The following KHDRBS2 variants were observed in gnomAD, a reference collection of about 807,000 sequenced individuals.
KHDRBS2 encodes KH RNA binding domain containing, signal transduction associated 2, also known as KH domain-containing, RNA-binding, signal transduction-associated protein 2.
A neutral mutation model predicts 44.3 loss-of-function variants in KHDRBS2; 26 were observed. The ratio of observed to expected loss-of-function variants is 0.59; its 90% CI spans 0.43 to 0.81. The LOEUF (loss-of-function observed/expected upper bound fraction) is 0.81. Ranked by LOEUF, KHDRBS2 falls within the 40% of genes least tolerant of loss-of-function variation. KHDRBS2 has a pLI of 0.00. For synonymous variants in KHDRBS2, 194 were observed against 151.1 expected, an observed-to-expected ratio of 1.28 and a Z score of -2.08; for missense variants, 476 against 433.1, an observed-to-expected ratio of 1.10 and a Z score of -0.88.
chr6:61,555,014 G>A, the KHDRBS2 span, among the ~76,000 whole-genome samples: 1 of 151,448 alleles, frequency 6.6e-6, no homozygotes, highest in African/African-American at 2.4e-5. Flanking sequence ...TTTCACAGGG[G>A]TTTTTTTTGC....
chr6:62,158,456 A>G (rs1816923042), intron 2 of KHDRBS2, among the ~76,000 whole-genome samples: 1 of 152,152 alleles, frequency 6.6e-6, no homozygotes, highest in Non-Finnish European at 1.5e-5. Context: ...TCATAGTTAA[A>G]CGATAGTGCA....
intron 2 of KHDRBS2, among the ~76,000 whole-genome samples, chr6:62,086,367 T>A (rs1303591666): frequency 1.3e-5 from 2 of 152,128 alleles, no homozygotes; most frequent in Non-Finnish European, 2.9e-5. Flanking sequence ...GAAGCTTTGA[T>A]AGCTATAAAA....
At chr6:61,734,144 A>ATGTGG (rs1774945301) in intron 6 of KHDRBS2, among the ~76,000 whole-genome samples, 1 of 152,160 alleles carries the variant, frequency 6.6e-6, no homozygotes, top group South Asian at 2.1e-4. Flanking sequence ...TGGTCTTACC[A>ATGTGG]TCATATAATG....
At chr6:62,185,283 T>C (rs1338098577) in intron 1 of KHDRBS2, among the ~76,000 whole-genome samples, 4 of 151,920 alleles carry the variant, frequency 2.6e-5, no homozygotes, top group Non-Finnish European at 2.9e-5. Flanking sequence ...ACCTGTGTTT[T>C]ACATCATAGA....
downstream of KHDRBS2, among the ~76,000 whole-genome samples, chr6:61,679,628 C>T (rs959824542): frequency 6.6e-6 from 1 of 151,934 alleles, no homozygotes; most frequent in Non-Finnish European, 1.5e-5. Context: ...TGATATTTAG[C>T]ACTGAAAATT....
intron 4 of KHDRBS2, among the ~76,000 whole-genome samples, chr6:61,954,697 CAT>C (rs1185398187): frequency 1.1e-4 from 4 of 37,704 alleles, no homozygotes; most frequent in Non-Finnish European, 2.4e-4. Flanking sequence ...TGTATACATA[CAT>C]ATGTGTATAT....
At chr6:61,574,445 TG>T in the KHDRBS2 span, 7 of 1,438,234 alleles carry the variant, frequency 4.9e-6, no homozygotes, top group Non-Finnish European at 6.5e-6. Flanking sequence ...AATTTACCAA[TG>T]CAAACAACAC....
At chr6:62,061,157 C>T (rs576048512) in intron 2 of KHDRBS2, among the ~76,000 whole-genome samples, 1 of 151,684 alleles carries the variant, frequency 6.6e-6, no homozygotes, top group Non-Finnish European at 1.5e-5. Context: ...TTAATTGGAG[C>T]ATTTAGTCCA....
the KHDRBS2 span, among the ~76,000 whole-genome samples, chr6:61,597,596 A>G: frequency 2.6e-5 from 4 of 151,116 alleles, no homozygotes; most frequent in Admixed American, 6.6e-5. Context: ...GTAACTTATC[A>G]GTGATTAAAG....
At chr6:62,185,887 C>T (rs772164213) in intron 1 of KHDRBS2, among the ~76,000 whole-genome samples, 63 of 152,052 alleles carry the variant, frequency 4.1e-4, no homozygotes, top group Admixed American at 1.5e-3. Flanking sequence ...CCACCTAATT[C>T]GTATGTTAAA....
At chr6:61,749,851 A>T (rs1301001263) in intron 6 of KHDRBS2, among the ~76,000 whole-genome samples, 1 of 152,164 alleles carries the variant, frequency 6.6e-6, no homozygotes, top group Non-Finnish European at 1.5e-5. Flanking sequence ...AAGAATTAAC[A>T]AAAGGGAAAA....
At chr6:61,701,718 C>T (rs1768709379) in intron 7 of KHDRBS2, among the ~76,000 whole-genome samples, 1 of 151,938 alleles carries the variant, frequency 6.6e-6, no homozygotes, top group South Asian at 2.1e-4. Context: ...CAAAACATTT[C>T]ACTGCTGTTT....
At chr6:62,005,968 G>A (rs577134848) in intron 3 of KHDRBS2, among the ~76,000 whole-genome samples, 9 of 151,962 alleles carry the variant, frequency 5.9e-5, no homozygotes, top group African/African-American at 2.2e-4. Context: ...CGAAAAATTT[G>A]AAAGCAATAT....
chr6:61,728,580 G>T (rs1773948175), intron 7 of KHDRBS2, among the ~76,000 whole-genome samples: 1 of 152,122 alleles, frequency 6.6e-6, no homozygotes, highest in Non-Finnish European at 1.5e-5. Flanking sequence ...ATCATAGAAT[G>T]AAACAATGTA....
chr6:61,785,149 T>A (rs1419726390), intron 6 of KHDRBS2, among the ~76,000 whole-genome samples: 2 of 125,904 alleles, frequency 1.6e-5, no homozygotes, highest in Non-Finnish European at 3.2e-5. Flanking sequence ...GACCTTGTCC[T>A]AAAAAAACAA....
At chr6:61,771,046 A>G (rs1780802113) in intron 6 of KHDRBS2, among the ~76,000 whole-genome samples, 1 of 152,308 alleles carries the variant, frequency 6.6e-6, no homozygotes, top group East Asian at 1.9e-4. Context: ...ATTCTTAAAG[A>G]AAAGAATTTT....
At chr6:61,648,210 TGG>T in the KHDRBS2 span, among the ~76,000 whole-genome samples, 1 of 152,150 alleles carries the variant, frequency 6.6e-6, no homozygotes, top group African/African-American at 2.4e-5. Context: ...TGAGTTTTTA[TGG>T]AACTAGGTGC....
chr6:61,951,989 A>T lies in KHDRBS2; in HGVS notation c.483+26077T>A, dbSNP rs1764850710. On this transcript the variant is annotated intron_variant, in intron 4 of 8. Coordinates refer to ENST00000281156, the MANE Select transcript of KHDRBS2 (RefSeq NM_152688.4). ...ACCAAGAGCTAAACTGTTGATCAGA[A>T]TTCTGAAATTATACTAAAAAGTTTG... 3.3e-5 allele frequency among the ~76,000 whole-genome samples: 5 copies of T among 152,212 alleles called. No individual in the cohort carries two copies. In the South Asian group the frequency reaches 1.0e-3, roughly 32 times the overall value.
intron 6 of KHDRBS2, among the ~76,000 whole-genome samples, chr6:61,760,424 G>A (rs552643394): frequency 1.3e-5 from 2 of 152,220 alleles, no homozygotes; most frequent in African/African-American, 4.8e-5. Flanking sequence ...CTTGAGCACA[G>A]GAGTTCAACT....
Sources: gnomAD v4.1 joint callset for allele counts (sites outside exome capture counted in the v4.1 genomes callset) on GRCh38, gnomAD v4.1.1 for gene constraint, MANE v1.5 for transcripts, NCBI Gene and HGNC (gene_info 2026-07-23, HGNC 2026-07-21) for gene names.